Variants in NRG3 observed in about 807,000 individuals in gnomAD.
The protein encoded by NRG3 is pro-neuregulin-3, membrane-bound isoform.
Under a neutral mutation model 66.9 loss-of-function variants are expected in NRG3, and 31 were observed. The ratio of observed to expected loss-of-function variants is 0.46; its 90% confidence interval spans 0.35 to 0.63. The LOEUF is 0.63. NRG3 is among the 20% of genes least tolerant of loss of function. The pLI is 0.00. For synonymous variants in NRG3, 393 were observed against 359.4 expected (o/e 1.09, Z -1.06); for missense variants, 910 against 878.9 (o/e 1.04, Z -0.45).
At chr10:81,916,912 C>G (rs1235397304) in intron 1 of NRG3, among the ~76,000 whole-genome samples, 1 of 152,096 alleles carries the variant, frequency 6.6e-6, no homozygotes, top group Non-Finnish European at 1.5e-5. Flanking sequence ...ATTATTATCT[C>G]CATTAATTAA....
chr10:82,433,503 A>G (rs1283655751), intron 2 of NRG3, among the ~76,000 whole-genome samples: 1 of 151,990 alleles, frequency 6.6e-6, no homozygotes, highest in Non-Finnish European at 1.5e-5. Flanking sequence ...CTCTTGTTGC[A>G]ATTGCTTTTG....
chr10:82,813,116 G>T (rs966738426), intron 3 of NRG3, among the ~76,000 whole-genome samples: 21 of 151,304 alleles, frequency 1.4e-4, no homozygotes, highest in Middle Eastern at 3.4e-3. Flanking sequence ...GCATGTCCTA[G>T]ATCTGAAATG....
chr10:82,595,978 A>C (rs566942141), intron 2 of NRG3, among the ~76,000 whole-genome samples: 1 of 152,192 alleles, frequency 6.6e-6, no homozygotes, highest in Non-Finnish European at 1.5e-5. Context: ...CATTAATTTT[A>C]TGATTGTTTC....
At chr10:82,541,542 A>G (rs2043542071) in intron 2 of NRG3, among the ~76,000 whole-genome samples, 1 of 152,156 alleles carries the variant, frequency 6.6e-6, no homozygotes, top group Non-Finnish European at 1.5e-5. Context: ...ACTGGTAATC[A>G]GAACAGAACA....
chr10:82,523,745 C>A (rs538251202), intron 2 of NRG3, among the ~76,000 whole-genome samples: 1 of 152,248 alleles, frequency 6.6e-6, no homozygotes, highest in East Asian at 1.9e-4. Context: ...CCTTACATAA[C>A]TCAAAAGTCT....
At chr10:82,201,006 G>T (rs1416421510) in intron 1 of NRG3, among the ~76,000 whole-genome samples, 1 of 151,932 alleles carries the variant, frequency 6.6e-6, no homozygotes, top group Non-Finnish European at 1.5e-5. Context: ...GACCAGCCTG[G>T]CCAACATGGT....
At chr10:82,745,846 C>T (rs1158804090) in intron 3 of NRG3, among the ~76,000 whole-genome samples, 1 of 152,208 alleles carries the variant, frequency 6.6e-6, no homozygotes, top group South Asian at 2.1e-4. Context: ...TACTACTCCA[C>T]ATATTTTCTA....
chr10:82,580,901 TTGTGTGTGTGTG>T (rs56906298), intron 2 of NRG3, among the ~76,000 whole-genome samples: 19 of 147,292 alleles, frequency 1.3e-4, no homozygotes, highest in South Asian at 2.2e-4. Context: ...GTTTGTAAGT[TTGTGTGTGTGTG>T]TGTGTGTGTG....
chr10:82,280,939 T>C (rs2079090919), intron 1 of NRG3, among the ~76,000 whole-genome samples: 1 of 152,190 alleles, frequency 6.6e-6, no homozygotes, highest in African/African-American at 2.4e-5. Flanking sequence ...GGATGTGGGA[T>C]GTTTGGTCCC....
At chr10:81,942,127 A>T (rs1589539108) in intron 1 of NRG3, among the ~76,000 whole-genome samples, 1 of 152,130 alleles carries the variant, frequency 6.6e-6, no homozygotes, top group African/African-American at 2.4e-5. Context: ...CAAATGAATA[A>T]TTCAGAGGCT....
intron 2 of NRG3, among the ~76,000 whole-genome samples, chr10:82,732,939 A>G: frequency 6.6e-6 from 1 of 152,218 alleles, no homozygotes; most frequent in East Asian, 1.9e-4. Context: ...TCAGCATTTA[A>G]TAGCCCTGTT....
chr10:82,797,654 T>G (rs1201809035), intron 3 of NRG3, among the ~76,000 whole-genome samples: 1 of 152,146 alleles, frequency 6.6e-6, no homozygotes, highest in Non-Finnish European at 1.5e-5. Flanking sequence ...CTTTAACTCT[T>G]CACTGCCACT....
At chr10:82,271,235 A>G (rs2078577988) in intron 1 of NRG3, among the ~76,000 whole-genome samples, 1 of 152,060 alleles carries the variant, frequency 6.6e-6, no homozygotes, top group African/African-American at 2.4e-5. Context: ...GAGGACTTCC[A>G]TCATGGAGAA....
At chr10:82,178,315 C>T (rs1192112899) in intron 1 of NRG3, among the ~76,000 whole-genome samples, 2 of 152,094 alleles carry the variant, frequency 1.3e-5, no homozygotes, top group Non-Finnish European at 2.9e-5. Flanking sequence ...TGAGGTACAG[C>T]AGATCTCTAG....
intron 2 of NRG3, among the ~76,000 whole-genome samples, chr10:82,676,377 A>T (rs1156832749): frequency 1.3e-5 from 2 of 152,140 alleles, no homozygotes; most frequent in Non-Finnish European, 2.9e-5. Flanking sequence ...TGTAACTCTA[A>T]AGGTGAAAGG....
At chr10:82,033,555 T>C (rs1348507689) in intron 1 of NRG3, among the ~76,000 whole-genome samples, 1 of 152,070 alleles carries the variant, frequency 6.6e-6, no homozygotes, top group Non-Finnish European at 1.5e-5. Flanking sequence ...AACTATACCT[T>C]TTTATTTTAT....
chr10:82,192,435 T>C (rs937913283), intron 1 of NRG3, among the ~76,000 whole-genome samples: 2 of 152,154 alleles, frequency 1.3e-5, no homozygotes, highest in Non-Finnish European at 2.9e-5. Flanking sequence ...GGTACAGATA[T>C]TGAAAGAGGG....
At chr10:82,475,233 GAA>G (rs2132090767) in intron 2 of NRG3, among the ~76,000 whole-genome samples, 1 of 151,990 alleles carries the variant, frequency 6.6e-6, no homozygotes, top group Non-Finnish European at 1.5e-5. Flanking sequence ...ATGATTGAGA[GAA>G]AAGACTCAAC....
At chr10:82,784,286 A>G (rs1325800104) in intron 3 of NRG3, among the ~76,000 whole-genome samples, 1 of 151,596 alleles carries the variant, frequency 6.6e-6, no homozygotes, top group Non-Finnish European at 1.5e-5. Context: ...ACCATTCAGG[A>G]CATAGGCATG....
Sources: allele counts gnomAD v4.1 joint callset (sites outside exome capture counted in the v4.1 genomes callset), GRCh38; gene constraint gnomAD v4.1.1; transcripts MANE v1.5; gene names NCBI Gene and HGNC (gene_info 2026-07-23, HGNC 2026-07-21).